MTCH2: variants seen among roughly 807,000 people sequenced by gnomAD.
MTCH2 encodes mitochondrial carrier 2, also known as mitochondrial carrier homolog 2.
In MTCH2, 25 loss-of-function variants were observed where a neutral mutation model predicts 50.6. That is an observed-to-expected ratio of 0.49 (90% CI 0.36 to 0.69). MTCH2 has a LOEUF of 0.69. MTCH2 is among the 30% of genes least tolerant of loss of function. MTCH2 has a pLI of 0.00. For missense variants in MTCH2, 273 were observed against 384.4 expected, an observed-to-expected ratio of 0.71 and a Z score of 2.42; for synonymous variants, 106 against 132.0, an observed-to-expected ratio of 0.80 and a Z score of 1.35.
chr11:47,623,607 A>T (rs1404825715), intron 11 of MTCH2, among the ~76,000 whole-genome samples: 2 of 152,340 alleles, frequency 1.3e-5, no homozygotes, highest in African/African-American at 4.8e-5. Flanking sequence ...AAAACATCAC[A>T]GCTTGCCAGG....
At chr11:47,609,035 G>C in the MTCH2 span, among the ~76,000 whole-genome samples, 1 of 136,622 alleles carries the variant, frequency 7.3e-6, no homozygotes, top group Non-Finnish European at 1.5e-5. Flanking sequence ...TGAGGCAGGA[G>C]AATCCTTGAA....
rs1040342034 is a variant in MTCH2, at chr11:47,622,529, G to A, written c.825+172C>T. 2.6e-5 allele frequency among the ~76,000 whole-genome samples: 4 copies of A among 152,122 alleles called. No individual in the cohort carries two copies. The East Asian group carries it at 7.7e-4, about 29-fold the overall frequency. On this transcript the variant is annotated intron_variant, in intron 12 of 12. Coordinates refer to ENST00000302503, the MANE Select transcript of MTCH2 (RefSeq NM_014342.4). ...TCTAAACATCACATTTTACTATTAT[G>A]CCAAAGTGAAAACACAGAACACTGT...
At chr11:47,636,147 G>C (rs2097308384) in intron 3 of MTCH2, among the ~76,000 whole-genome samples, 1 of 151,064 alleles carries the variant, frequency 6.6e-6, no homozygotes, top group East Asian at 1.9e-4. Flanking sequence ...AAAAAGAAAA[G>C]GGAAGGCTGG....
At chr11:47,616,759 T>C (rs555540224), downstream of MTCH2, among the ~76,000 whole-genome samples, 3 of 151,688 alleles carry the variant, frequency 2.0e-5, no homozygotes, top group South Asian at 6.3e-4. Flanking sequence ...CTCAGTTCAT[T>C]GCAACCTCCA....
intron 5 of MTCH2, among the ~76,000 whole-genome samples, chr11:47,633,518 ATATATATATTTTTT>A (rs1267013024): frequency 1.1e-4 from 2 of 18,818 alleles, no homozygotes; most frequent in African/African-American, 1.5e-4. Context: ...ATATATATAT[ATATATATATTTTTT>A]TTTTTTTTTT....
At chr11:47,627,559 C>A (rs1452958864) in intron 9 of MTCH2, among the ~76,000 whole-genome samples, 2 of 152,124 alleles carry the variant, frequency 1.3e-5, no homozygotes, top group African/African-American at 4.8e-5. Context: ...TAGGCTGGAG[C>A]TACTGTGCCT....
intron 5 of MTCH2, among the ~76,000 whole-genome samples, chr11:47,633,528 T>TATA (rs34564448): frequency 0.013 from 276 of 21,598 alleles, 1 homozygote; most frequent in East Asian, 0.042. Context: ...ATATATATAT[T>TATA]TTTTTTTTTT....
At chr11:47,622,851 A>G in intron 11 of MTCH2, 75 bp from the exon 12 acceptor site, 1 of 947,164 alleles carries the variant, frequency 1.1e-6, no homozygotes, top group South Asian at 1.8e-5. Flanking sequence ...AACCTTGTCA[A>G]AATATTCTGC....
At chr11:47,608,301 C>T in the MTCH2 span, among the ~76,000 whole-genome samples, 1 of 152,188 alleles carries the variant, frequency 6.6e-6, no homozygotes, top group Non-Finnish European at 1.5e-5. Flanking sequence ...ACACTTTGTT[C>T]CATGTCACAT....
At position 47,617,420 on chromosome 11, in the gene MTCH2, T is replaced by C. The variant is rs2097289163; in HGVS notation, c.*1413A>G. On this transcript the variant is annotated 3_prime_UTR_variant, in exon 13 of 13. Transcript: ENST00000302503. ...TGCAGATAGTAATATTGAAATAGTA[T>C]ATAAAATTGACATTACTTTTTGAGA... 1 of 152,236 alleles carries C rather than the reference T, an allele frequency of 6.6e-6. No individual in the cohort carries two copies. The highest frequency in any genetic ancestry group is 1.5e-5 in the Non-Finnish European group (1 of 68,034). 9.4% of individuals were successfully genotyped at this position (152,236 alleles called of 1,614,324 possible). A position where few individuals can be genotyped will look rare whatever the true frequency, so the allele number is the denominator to read the frequency against.
the MTCH2 span, among the ~76,000 whole-genome samples, chr11:47,610,107 T>TA: frequency 3.2e-4 from 49 of 152,240 alleles, no homozygotes. Flanking sequence ...GGACATTCAG[T>TA]GGATATTCAG....
the MTCH2 span, among the ~76,000 whole-genome samples, chr11:47,607,973 A>G: frequency 3.3e-5 from 5 of 152,208 alleles, no homozygotes; most frequent in Non-Finnish European, 7.3e-5. Context: ...CTGTGCTCCG[A>G]TCATCATGCA....
intron 1 of MTCH2, among the ~76,000 whole-genome samples, chr11:47,641,037 C>T (rs11039322): frequency 0.12 from 18,301 of 152,082 alleles, 1,180 homozygotes; most frequent in Non-Finnish European, 0.14. Flanking sequence ...GCTGGGATTA[C>T]GTGCACGCAC....
Position 47,618,093 on chromosome 11 carries a change from A to AT in MTCH2, c.*739dup, listed in dbSNP as rs1043484553. ...AACTTCCTTTGAGGAAAAAAGTGCC[A>AT]TTATACTTCCTTTCCAAATCTTGCT... On this transcript the variant is annotated 3_prime_UTR_variant, in exon 13 of 13. Transcript: ENST00000302503. 63 of 152,356 alleles carry AT rather than the reference A, an allele frequency of 4.1e-4. 1 individual carries two copies. The highest frequency in any genetic ancestry group is 1.5e-3 in the African/African-American group (62 of 41,594). The allele number at this position is 152,356 out of a possible 1,614,324, so 9.4% of individuals were successfully genotyped here.
chr11:47,630,896 G>GT (rs1050703871), intron 7 of MTCH2, 140 bp downstream of exon 7: 13 of 798,250 alleles, frequency 1.6e-5, no homozygotes, highest in Non-Finnish European at 2.2e-5. Context: ...CCATTTTATT[G>GT]TTTTTTGTGC....
intron 7 of MTCH2, 112 bp downstream of exon 7, chr11:47,630,924 A>T (rs117523937): frequency 0.038 from 34,795 of 923,458 alleles, 822 homozygotes; most frequent in Non-Finnish European, 0.049. Context: ...ATGACATCAG[A>T]TACGAATTTG....
intron 3 of MTCH2, among the ~76,000 whole-genome samples, chr11:47,636,225 G>C (rs1012387220): frequency 7.2e-5 from 11 of 152,144 alleles, no homozygotes; most frequent in African/African-American, 2.7e-4. Context: ...CCTGAGGTTA[G>C]GAATTTGAGA....
intron 4 of MTCH2, 86 bp downstream of exon 4, chr11:47,635,459 C>G: frequency 6.9e-7 from 1 of 1,447,550 alleles, no homozygotes; most frequent in Non-Finnish European, 9.7e-7. Flanking sequence ...AGACTGACTA[C>G]TTGGCTTTTC....
chr11:47,606,115 G>A, the MTCH2 span, among the ~76,000 whole-genome samples: 1 of 152,106 alleles, frequency 6.6e-6, no homozygotes, highest in Non-Finnish European at 1.5e-5. Context: ...TATCTGCAAA[G>A]GTCTGTCATC....
Sources: allele counts gnomAD v4.1 joint callset (sites outside exome capture counted in the v4.1 genomes callset), GRCh38; gene constraint gnomAD v4.1.1; transcripts MANE v1.5; gene names NCBI Gene and HGNC (gene_info 2026-07-23, HGNC 2026-07-21).